Variants in THSD1 observed in about 807,000 individuals in gnomAD.
THSD1 encodes the protein thrombospondin type-1 domain-containing protein 1.
In THSD1, 34 loss-of-function variants were observed where a neutral mutation model predicts 46.3. That is an observed-to-expected ratio of 0.74 (90% CI 0.56 to 0.98). The LOEUF (loss-of-function observed/expected upper bound fraction) is 0.98. THSD1 is among the 50% of genes least tolerant of loss of function. The pLI, the probability that THSD1 is intolerant of heterozygous loss-of-function variation, is 0.00. For missense variants in THSD1, 1,023 were observed against 1,058.3 expected (o/e 0.97, Z 0.46); for synonymous variants, 407 against 416.5 (o/e 0.98, Z 0.28).
rs555005447 is a variant in THSD1, at chr13:52,379,023, T to C, written c.1181-234A>G. ...GATTACAGGCATGCACCACCACGCC[T>C]GGCTAATTTTTTTGTATTTTTAGTA... On this transcript the variant is annotated intron_variant, in intron 4 of 4. Transcript: ENST00000258613. 4.6e-3 allele frequency among the ~76,000 whole-genome samples: 703 copies of C among 151,926 alleles called. 1 individual carries two copies. The highest frequency in any genetic ancestry group is 7.3e-3 in the Non-Finnish European group (493 of 67,936).
intron 4 of THSD1, among the ~76,000 whole-genome samples, chr13:52,382,262 A>T (rs779693015): frequency 1.3e-5 from 2 of 152,176 alleles, no homozygotes; most frequent in Non-Finnish European, 2.9e-5. Flanking sequence ...CACAGTTGCC[A>T]GTACTAAAAT....
chr13:52,397,354 C>T lies in THSD1; in HGVS notation c.899G>A (p.Arg300Lys), dbSNP rs1308504978. The T allele has an allele frequency of 6.2e-7, 1 of 1,614,070 alleles. No homozygotes were observed. Residue 300 changes from arginine to lysine, a missense_variant, in exon 3 of 5, where the codon AGG becomes AAG. Around this residue, in one of 3 missense-constraint regions of THSD1, gnomAD observed 429 missense variants for 518.3 expected, o/e 0.83. Coordinates refer to ENST00000258613, the MANE Select transcript of THSD1 (RefSeq NM_018676.4). ...AAACAAAGTACAGTTAAAAATTGTC[C>T]TCCTCTCTCCCAGGGGCAGGCTGTT... ...AENSLPLGERRTIFNCTLFDM... is the reference protein window; with the variant it reads ...AENSLPLGERKTIFNCTLFDM...
chr13:52,383,017 T>A (rs910774231), intron 4 of THSD1, among the ~76,000 whole-genome samples: 2 of 151,662 alleles, frequency 1.3e-5, no homozygotes, highest in Non-Finnish European at 2.9e-5. Flanking sequence ...AAAAAAAGTA[T>A]CACTTCCTCC....
chr13:52,387,343 A>G (rs1356696479), intron 3 of THSD1, among the ~76,000 whole-genome samples: 3 of 152,250 alleles, frequency 2.0e-5, no homozygotes, highest in African/African-American at 7.2e-5. Flanking sequence ...CTAAAGGCCT[A>G]GCAAAAACAG....
rs1176738553 is a variant in THSD1 at position 52,377,224 on chromosome 13, T to C, written c.*187A>G. On this transcript the variant is annotated 3_prime_UTR_variant, in exon 5 of 5. Transcript: ENST00000258613. The stretch of plus-strand genomic sequence containing the variant: ...TACTAATAAATCAATAGAAATTGAA[T>C]AACAAAGGAAAAAGCTCAAGATAAA... The C allele has an allele frequency of 7.6e-7, 1 of 1,321,014 alleles. No homozygotes were observed. The highest frequency in any genetic ancestry group is 9.7e-7 in the Non-Finnish European group (1 of 1,032,390). 81.8% of individuals were successfully genotyped at this position (1,321,014 alleles called of 1,614,324 possible).
chr13:52,378,592 G>A lies in THSD1; in HGVS notation c.1378C>T (p.Arg460Trp), dbSNP rs776400380. ...ATATTCTCCTCGTCCGAGTTCTTCC[G>A]GAAGCTGGGGGAGTGGATGGAGTTG... ...RHNSIHSPSF[R>W]KNSDEENICE... is the part of the protein sequence containing the mutation. The change falls in exon 5 of 5, where the codon CGG becomes TGG. Residue 460 changes from arginine (R) to tryptophan (W), a missense_variant. Arg to Trp is a moderately radical substitution (Grantham distance 101, BLOSUM62 -3). Coordinates refer to ENST00000258613, the MANE Select transcript of THSD1 (RefSeq NM_018676.4). 16 of 1,614,018 alleles carry A rather than the reference G, an allele frequency of 9.9e-6. No homozygotes were observed. Among genetic ancestry groups the A allele is most frequent in the Non-Finnish European group, 1.3e-5 (15 of 1,180,046 alleles).
chr13:52,391,220 ATTT>A (rs1189826794), intron 3 of THSD1, among the ~76,000 whole-genome samples: 1 of 142,654 alleles, frequency 7.0e-6, no homozygotes, highest in Non-Finnish European at 1.6e-5. Context: ...CTTAGAATAA[ATTT>A]TTTTTTTTTT....
intron 1 of THSD1, 120 bp from the exon 2 acceptor site, chr13:52,402,801 G>A: frequency 7.3e-7 from 1 of 1,365,608 alleles, no homozygotes; most frequent in Admixed American, 3.2e-5. Flanking sequence ...AAGGAAACTA[G>A]AGAGGACACT....
chr13:52,398,411 A>T, intron 2 of THSD1: 1 of 642,468 alleles, frequency 1.6e-6, no homozygotes, highest in Non-Finnish European at 1.9e-6. Context: ...CTGGGACTAC[A>T]GGCACATGCC....
In THSD1 at chr13:52,378,633, C is replaced by G. The variant is rs1301396158; in HGVS notation, c.1337G>C (p.Ser446Thr). ...GATGGAGTTGTGTCGAGCAGGTGTG[C>G]TGCACTTGGCTGGCCGGCCGAACCT... ...WRRFGRPAKC[S>T]TPARHNSIHS... Residue 446 changes from serine (S) to threonine (T), a missense_variant, in exon 5 of 5, where the codon AGC (serine) becomes ACC (threonine). Transcript: ENST00000258613. 5 of 1,614,084 alleles carry G rather than the reference C, an allele frequency of 3.1e-6. No individual in the cohort carries two copies. In the South Asian group the frequency reaches 4.4e-5, roughly 14 times the overall value.
At chr13:52,400,203 T>C (rs1268810157) in intron 2 of THSD1, 1 of 153,810 alleles carries the variant, frequency 6.5e-6, no homozygotes, top group African/African-American at 2.4e-5. Flanking sequence ...ACATGCCCCG[T>C]TGGAAATGGA....
chr13:52,378,429 T>TC lies in THSD1; in HGVS notation c.1540dup (p.Glu514GlyfsTer52). ...CTTCTGGGCGTTGGACTGGAAGCTC[T>TC]CGCTGCCAGAGGCATCATCCTCGGG... On this transcript the variant is annotated frameshift_variant, in exon 5 of 5. Transcript: ENST00000258613. LOFTEE classifies it low-confidence loss of function (END_TRUNC). The TC allele has an allele frequency of 6.2e-7, 1 of 1,614,158 alleles. No individual in the cohort carries two copies. The highest frequency in any genetic ancestry group is 8.5e-7 in the Non-Finnish European group (1 of 1,180,044).
chr13:52,389,281 G>A (rs550851613), intron 3 of THSD1, among the ~76,000 whole-genome samples: 50 of 151,814 alleles, frequency 3.3e-4, no homozygotes, highest in African/African-American at 1.1e-3. Context: ...ACATTTTTAA[G>A]GTATAAATAA....
chr13:52,377,938 C>T lies in THSD1; in HGVS notation c.2032G>A (p.Ala678Thr), dbSNP rs562330470. 3 of 1,614,188 alleles carry T rather than the reference C, an allele frequency of 1.9e-6. No individual in the cohort carries two copies. Among genetic ancestry groups the T allele is most frequent in the Non-Finnish European group, 1.7e-6 (2 of 1,180,042 alleles). ...RSMSTLTPRQ[A>T]PAYSSRTRTC... ...CGCGTCCTAGAGCTGTAGGCAGGGG[C>T]CTGCCGTGGAGTCAGAGTGGACATG... The change falls in exon 5 of 5, where the codon GCC becomes ACC. Residue 678 changes from alanine (A) to threonine (T), a missense_variant. Ala to Thr is a moderately conservative substitution (Grantham distance 58). Around this residue, in one of 3 missense-constraint regions of THSD1, gnomAD observed 578 missense variants for 497.4 expected, o/e 1.16. Transcript: ENST00000258613.
intron 2 of THSD1, 154 bp from the exon 3 acceptor site, chr13:52,398,348 G>A (rs1211324496): frequency 5.1e-6 from 4 of 780,028 alleles, no homozygotes; most frequent in Non-Finnish European, 6.2e-6. Context: ...ACTGCTCGCT[G>A]TACCCCTAAC....
intron 2 of THSD1, among the ~76,000 whole-genome samples, chr13:52,400,956 G>GT (rs373688454): frequency 2.0e-5 from 3 of 152,036 alleles, no homozygotes; most frequent in East Asian, 1.9e-4. Context: ...AGTAATCTGT[G>GT]TTTTTTTGTT....
intron 2 of THSD1, among the ~76,000 whole-genome samples, chr13:52,400,718 A>G (rs2137748497): frequency 6.6e-6 from 1 of 152,338 alleles, no homozygotes; most frequent in African/African-American, 2.4e-5. Context: ...AAAGCAGGGT[A>G]AAACAGATCT....
rs1189046844 is a variant in THSD1, at chr13:52,378,607, G to A, written c.1363C>T (p.His455Tyr). ...GAGTTCTTCCGGAAGCTGGGGGAGT[G>A]GATGGAGTTGTGTCGAGCAGGTGTG... is the stretch of plus-strand genomic sequence containing the variant. ...CSTPARHNSIHSPSFRKNSDE... is the reference protein window; with the variant it reads ...CSTPARHNSIYSPSFRKNSDE... The change falls in exon 5 of 5, where the codon CAC (histidine) becomes TAC (tyrosine). Residue 455 changes from histidine (H) to tyrosine (Y), a missense_variant. By Grantham distance (83) the His-to-Tyr change is moderately conservative. Around this residue, in one of 3 missense-constraint regions of THSD1, gnomAD observed 578 missense variants for 497.4 expected, o/e 1.16. Coordinates refer to ENST00000258613, the MANE Select transcript of THSD1 (RefSeq NM_018676.4). 1 of 1,614,142 alleles carries A rather than the reference G, an allele frequency of 6.2e-7. No individual in the cohort carries two copies. Among genetic ancestry groups the A allele is most frequent in the South Asian group, 1.1e-5 (1 of 91,080 alleles).
chr13:52,385,602 T>C (rs904508275), intron 4 of THSD1, among the ~76,000 whole-genome samples: 1 of 152,036 alleles, frequency 6.6e-6, no homozygotes, highest in Admixed American at 6.5e-5. Flanking sequence ...CAAATAATGG[T>C]CTATGTGGTC....
Sources: gnomAD v4.1 joint callset for allele counts (sites outside exome capture counted in the v4.1 genomes callset) on GRCh38, gnomAD v4.1.1 for gene constraint, gnomAD v4.1.1 regional missense constraint, MANE v1.5 for transcripts, NCBI Gene and HGNC (gene_info 2026-07-23, HGNC 2026-07-21) for gene names.